The following NRP1 variants were observed in gnomAD, a reference collection of about 807,000 sequenced individuals.
NRP1 encodes neuropilin 1, also known as neuropilin-1.
In NRP1, 35 loss-of-function variants were observed where a neutral mutation model predicts 106.7. The ratio of observed to expected loss-of-function variants is 0.33; its 90% CI spans 0.25 to 0.43. NRP1 has a LOEUF of 0.43. NRP1 is among the 20% of genes least tolerant of loss of function. The pLI is 1.00. For synonymous variants in NRP1, 437 were observed against 417.9 expected (o/e 1.05, Z -0.56); for missense variants, 1,024 against 1,170.4 (o/e 0.87, Z 1.83).
At chr10:33,221,631 T>C (rs562790051) in intron 8 of NRP1, 88 bp downstream of exon 8, 328 of 1,372,256 alleles carry the variant, frequency 2.4e-4, no homozygotes, top group Non-Finnish European at 3.0e-4. Flanking sequence ...TTTACAAACT[T>C]ATTTACCCTG....
chr10:33,188,417 C>A (rs1283985497), intron 13 of NRP1, among the ~76,000 whole-genome samples: 1 of 152,076 alleles, frequency 6.6e-6, no homozygotes, highest in East Asian at 1.9e-4. Flanking sequence ...AGCACAGAGA[C>A]CCCCTCCTTC....
At chr10:33,285,505 A>C (rs1844459226) in intron 2 of NRP1, among the ~76,000 whole-genome samples, 1 of 152,178 alleles carries the variant, frequency 6.6e-6, no homozygotes, top group Non-Finnish European at 1.5e-5. Context: ...CTTCTAATTT[A>C]AGATTCCTAC....
intron 11 of NRP1, chr10:33,202,557 C>T (rs1341366150): frequency 7.2e-7 from 1 of 1,386,364 alleles, no homozygotes; most frequent in East Asian, 2.8e-5. Flanking sequence ...AGGGGTGGTG[C>T]ACGTGTTATT....
At chr10:33,222,086 A>T (rs1839291484) in intron 7 of NRP1, among the ~76,000 whole-genome samples, 1 of 144,250 alleles carries the variant, frequency 6.9e-6, no homozygotes, top group African/African-American at 2.7e-5. Context: ...CTGAGAGGCT[A>T]GAGTCTTTAA....
intron 9 of NRP1, chr10:33,213,032 G>T: frequency 1.8e-6 from 1 of 563,840 alleles, no homozygotes; most frequent in African/African-American, 1.9e-5. Flanking sequence ...GAGATGGGGG[G>T]AGGGCAGACC....
chr10:33,263,612 C>A (rs763145164), intron 4 of NRP1, 34 bp downstream of exon 4: 2 of 1,532,620 alleles, frequency 1.3e-6, no homozygotes, highest in Non-Finnish European at 1.8e-6. Context: ...CCTCCAGAAC[C>A]TTCCCTTTTT....
intron 3 of NRP1, among the ~76,000 whole-genome samples, chr10:33,269,824 G>A (rs779654716): frequency 6.6e-6 from 1 of 152,194 alleles, no homozygotes; most frequent in Non-Finnish European, 1.5e-5. Context: ...CTCCTTATAC[G>A]AGAATCTAAT....
At chr10:33,281,937 G>T (rs1844165091) in intron 2 of NRP1, among the ~76,000 whole-genome samples, 1 of 152,052 alleles carries the variant, frequency 6.6e-6, no homozygotes, top group South Asian at 2.1e-4. Context: ...TTTAGCTATT[G>T]TTATCTCCCA....
At chr10:33,276,673 G>GT (rs2133342425) in intron 2 of NRP1, among the ~76,000 whole-genome samples, 1 of 152,206 alleles carries the variant, frequency 6.6e-6, no homozygotes, top group East Asian at 1.9e-4. Flanking sequence ...CATATTTTTT[G>GT]TGGGGGGATG....
chr10:33,276,844 A>C (rs1443161698), intron 2 of NRP1, among the ~76,000 whole-genome samples: 2 of 152,344 alleles, frequency 1.3e-5, no homozygotes, highest in African/African-American at 4.8e-5. Context: ...GGACTACAAG[A>C]AATAAGACAA....
intron 12 of NRP1, among the ~76,000 whole-genome samples, chr10:33,194,132 C>T (rs184247432): frequency 1.3e-5 from 2 of 152,334 alleles, no homozygotes; most frequent in East Asian, 1.9e-4. Context: ...ATTTACCACT[C>T]TTTTCCGCAG....
At chr10:33,205,967 A>G (rs549033308) in intron 10 of NRP1, 3 of 226,604 alleles carry the variant, frequency 1.3e-5, no homozygotes, top group South Asian at 1.2e-4. Context: ...AAGTTAAACT[A>G]TAAGTTCCTC....
chr10:33,197,707 C>A lies in NRP1; in HGVS notation c.1867G>T (p.Gly623Cys). 1.3e-6 allele frequency: 2 copies of A among 1,589,466 alleles called. No homozygotes were observed. Among genetic ancestry groups the A allele is most frequent in the Non-Finnish European group, 1.7e-6 (2 of 1,165,680 alleles). ...TTTTCTGTGGCCAGCACAGTGGTGC[C>A]ACCTGAAAAACAAAAACAGGAACAT... Reference protein sequence around the residue: ...GTGDDFQLTGGTTVLATEKPT... With the variant: ...GTGDDFQLTGCTTVLATEKPT... The change falls in exon 12 of 17, where the codon GGC (glycine) becomes TGC (cysteine). Residue 623 changes from glycine to cysteine, a missense_variant and splice_region_variant. Physicochemically the swap from Gly to Cys is radical, Grantham distance 159 (BLOSUM62 -3). This residue lies in a region of NRP1 where 562 missense variants were observed against 620.3 expected (regional missense o/e 0.91). Coordinates refer to ENST00000374867, the MANE Select transcript of NRP1 (RefSeq NM_003873.7).
chr10:33,199,345 C>T (rs534271754), intron 11 of NRP1, among the ~76,000 whole-genome samples: 10 of 126,074 alleles, frequency 7.9e-5, no homozygotes, highest in Non-Finnish European at 1.3e-4. Flanking sequence ...TACAGGTGTG[C>T]GCCACCATGC....
At chr10:33,322,127 G>A (rs567665370) in intron 2 of NRP1, among the ~76,000 whole-genome samples, 4 of 152,206 alleles carry the variant, frequency 2.6e-5, no homozygotes, top group South Asian at 4.2e-4. Flanking sequence ...GATGACCAGC[G>A]CTTGGAAGGG....
In NRP1 at chr10:33,270,660, A is replaced by G; in HGVS notation, c.430+15T>C. ...CTCTTAGTCATTCTTGTTCTACCGT[A>G]AGCTGTTCACTCACCTCTCTTGAAA... On this transcript the variant is annotated intron_variant, in intron 3 of 16. Transcript: ENST00000374867. 6.2e-7 allele frequency: 1 copy of G among 1,602,588 alleles called. No individual in the cohort carries two copies. The highest frequency in any genetic ancestry group is 8.5e-7 in the Non-Finnish European group (1 of 1,173,900).
At chr10:33,236,050 T>C (rs1216696127) in intron 6 of NRP1, among the ~76,000 whole-genome samples, 1 of 152,220 alleles carries the variant, frequency 6.6e-6, no homozygotes, top group Admixed American at 6.5e-5. Flanking sequence ...ATTCAGGGAC[T>C]TAATACTTTT....
intron 2 of NRP1, among the ~76,000 whole-genome samples, chr10:33,305,061 A>C (rs1174916806): frequency 1.3e-5 from 2 of 152,252 alleles, no homozygotes; most frequent in Middle Eastern, 6.3e-3. Flanking sequence ...TGGTAGTACA[A>C]TAAACTACTC....
chr10:33,191,602 C>T (rs952745062), intron 13 of NRP1, among the ~76,000 whole-genome samples: 2 of 152,112 alleles, frequency 1.3e-5, no homozygotes, highest in Admixed American at 6.5e-5. Context: ...GAAGCAGGGT[C>T]GTGCACATAG....
Sources: gnomAD v4.1 joint callset for allele counts (sites outside exome capture counted in the v4.1 genomes callset) on GRCh38, gnomAD v4.1.1 for gene constraint, gnomAD v4.1.1 regional missense constraint, MANE v1.5 for transcripts, NCBI Gene and HGNC (gene_info 2026-07-23, HGNC 2026-07-21) for gene names.